The following DNAH9 variants were observed in gnomAD, a reference collection of about 807,000 sequenced individuals.
DNAH9 encodes the protein DNAH9 variant protein.
A neutral mutation model predicts 471.6 loss-of-function variants in DNAH9; 345 were observed. That is an observed-to-expected ratio of 0.73 (90% CI 0.67 to 0.80). The LOEUF (loss-of-function observed/expected upper bound fraction) is 0.80. Among genes scored for constraint, DNAH9 ranks in the 30% least tolerant of loss-of-function variants. The pLI is 0.00. For synonymous variants in DNAH9, 2,093 were observed against 2,123.6 expected, an observed-to-expected ratio of 0.99 and a Z score of 0.40; for missense variants, 5,407 against 5,609.2, an observed-to-expected ratio of 0.96 and a Z score of 1.15.
chr17:11,656,336 A>G (rs1182557795), intron 14 of DNAH9, among the ~76,000 whole-genome samples: 2 of 152,000 alleles, frequency 1.3e-5, no homozygotes, highest in African/African-American at 2.4e-5. Flanking sequence ...ATTTTTTCAT[A>G]TATTTGTTGG....
At chr17:11,826,362 G>GA (rs1970490217) in intron 48 of DNAH9, among the ~76,000 whole-genome samples, 1 of 150,276 alleles carries the variant, frequency 6.7e-6, no homozygotes, top group African/African-American at 2.4e-5. Flanking sequence ...GGAAGCTGGG[G>GA]GGGTAATTTT....
rs531707905 is a variant in DNAH9, at chr17:11,605,296, TCTTTATTCACAGAA to T, written c.418-2829_418-2816del. 3.2e-4 allele frequency among the ~76,000 whole-genome samples: 49 copies of T among 152,340 alleles called. No individual in the cohort carries two copies. In the East Asian group the frequency reaches 6.9e-3, roughly 22 times the overall value. ...CTCCTGATTCCCTTCACATGCTTTA[TCTTTATTCACAGAA>T]CTTACTGTTTCTTGACTGTCTCTCC... On this transcript the variant is annotated intron_variant, in intron 1 of 68. Transcript: ENST00000262442.
At chr17:11,825,750 G>A (rs1171074204) in intron 48 of DNAH9, among the ~76,000 whole-genome samples, 1 of 152,204 alleles carries the variant, frequency 6.6e-6, no homozygotes. Context: ...ACACTCAAGA[G>A]AGGAATGCAG....
chr17:11,665,637 A>T (rs1210867943), intron 15 of DNAH9, among the ~76,000 whole-genome samples: 2 of 152,214 alleles, frequency 1.3e-5, no homozygotes, highest in Non-Finnish European at 2.9e-5. Context: ...TGAATGATGA[A>T]ATGGACAGGG....
In DNAH9 at chr17:11,822,550, C is replaced by T. The variant is rs747987030; in HGVS notation, c.8963C>T (p.Ala2988Val). Reference sequence around the variant, plus strand: ...TGGTTCCACGAGTGGCCTCAGCAAGCATTGGAGTCTGTCAGCCTCCGCTTC... The same window carrying T: ...TGGTTCCACGAGTGGCCTCAGCAAGTATTGGAGTCTGTCAGCCTCCGCTTC... ...IHWFHEWPQQ[A>V]LESVSLRFLQ... Residue 2988 changes from alanine (A) to valine (V), a missense_variant, in exon 47 of 69, where the codon GCA becomes GTA. Coordinates refer to ENST00000262442, the MANE Select transcript of DNAH9 (RefSeq NM_001372.4). 6.2e-7 allele frequency: 1 copy of T among 1,614,188 alleles called. No homozygotes were observed.
In DNAH9 at chr17:11,872,207, T is replaced by C. The variant is rs115082440; in HGVS notation, c.10242+421T>C. Among the ~76,000 whole-genome samples the C allele has an allele frequency of 7.4e-3, 1,120 of 152,278 alleles. 16 individuals are homozygous for C. The highest frequency in any genetic ancestry group is 0.024 in the African/African-American group (1,011 of 41,564). On this transcript the variant is annotated intron_variant, in intron 52 of 68. Transcript: ENST00000262442. ...GCACCTTGTTACTGGGCCCTAAAGCTACACAGCTTGTGCCAGTGACTCACA... is the reference window on the plus strand; with the variant it reads ...GCACCTTGTTACTGGGCCCTAAAGCCACACAGCTTGTGCCAGTGACTCACA...
intron 14 of DNAH9, among the ~76,000 whole-genome samples, chr17:11,654,989 T>C (rs2073608364): frequency 6.6e-6 from 1 of 152,130 alleles, no homozygotes; most frequent in Non-Finnish European, 1.5e-5. Context: ...GTTTGCCTTT[T>C]GATAATTTAA....
At chr17:11,968,591 T>G (rs1976931548) in intron 68 of DNAH9, among the ~76,000 whole-genome samples, 1 of 152,248 alleles carries the variant, frequency 6.6e-6, no homozygotes, top group South Asian at 2.1e-4. Flanking sequence ...ACTTCTTGTG[T>G]TCAGTGTGGT....
chr17:11,679,430 A>G (rs116661417), intron 17 of DNAH9, among the ~76,000 whole-genome samples: 1 of 152,374 alleles, frequency 6.6e-6, no homozygotes, highest in African/African-American at 2.4e-5. Context: ...CACCTATCAC[A>G]GATTTTGAGT....
At chr17:11,721,367 C>T (rs369611233) in intron 27 of DNAH9, among the ~76,000 whole-genome samples, 1 of 152,088 alleles carries the variant, frequency 6.6e-6, no homozygotes, top group Non-Finnish European at 1.5e-5. Context: ...GTTAGAACAT[C>T]ATAAATAAGC....
At chr17:11,609,874 C>G (rs1239413429) in intron 2 of DNAH9, among the ~76,000 whole-genome samples, 1 of 152,154 alleles carries the variant, frequency 6.6e-6, no homozygotes. Flanking sequence ...TAAACTATTT[C>G]CTCTTGCTGC....
At chr17:11,822,395 C>T (rs1414697230) in intron 46 of DNAH9, 43 bp from the exon 47 acceptor site, 2 of 1,610,752 alleles carry the variant, frequency 1.2e-6, no homozygotes, top group African/African-American at 2.7e-5. Context: ...GTGAGTATTT[C>T]TCTGATGCCT....
At chr17:11,836,487 C>T (rs1169733901) in intron 49 of DNAH9, among the ~76,000 whole-genome samples, 3 of 152,120 alleles carry the variant, frequency 2.0e-5, no homozygotes, top group Non-Finnish European at 2.9e-5. Flanking sequence ...AAGATTTTTC[C>T]ATTAGGAATT....
At chr17:11,676,674 T>C (rs909839272) in intron 17 of DNAH9, among the ~76,000 whole-genome samples, 4 of 152,148 alleles carry the variant, frequency 2.6e-5, no homozygotes, top group Non-Finnish European at 4.4e-5. Context: ...TTATTTATTA[T>C]GGTTTTATTT....
At chr17:11,868,339 C>T (rs1352868286) in intron 50 of DNAH9, among the ~76,000 whole-genome samples, 1 of 152,102 alleles carries the variant, frequency 6.6e-6, no homozygotes, top group African/African-American at 2.4e-5. Context: ...GCAGCCTGAA[C>T]CCCAGTTATT....
At chr17:11,934,546 C>T (rs555152721) in intron 65 of DNAH9, among the ~76,000 whole-genome samples, 36 of 145,482 alleles carry the variant, frequency 2.5e-4, no homozygotes, top group South Asian at 2.3e-3. Context: ...CCCGGGTTCA[C>T]GCCATTCTCC....
chr17:11,598,965 G>A, intron 1 of DNAH9, 50 bp downstream of exon 1: 1 of 1,309,992 alleles, frequency 7.6e-7, no homozygotes. Context: ...TGGGGGAGGG[G>A]AGGAGGAGCC....
intron 62 of DNAH9, among the ~76,000 whole-genome samples, chr17:11,924,796 G>T (rs534440825): frequency 1.9e-4 from 29 of 151,618 alleles, no homozygotes; most frequent in Non-Finnish European, 3.8e-4. Context: ...GCTAATTTTT[G>T]TATTTTTAGT....
chr17:11,779,732 A>T (rs1476113075), intron 38 of DNAH9, among the ~76,000 whole-genome samples: 1 of 152,208 alleles, frequency 6.6e-6, no homozygotes, highest in Admixed American at 6.5e-5. Flanking sequence ...ATTATATTTC[A>T]TTTTGACAGA....
Sources: allele counts gnomAD v4.1 joint callset (sites outside exome capture counted in the v4.1 genomes callset), GRCh38; gene constraint gnomAD v4.1.1; transcripts MANE v1.5; gene names NCBI Gene and HGNC (gene_info 2026-07-23, HGNC 2026-07-21).